GANAB: variants seen among roughly 807,000 people sequenced by gnomAD.
GANAB encodes the protein neutral alpha-glucosidase AB.
Under a neutral mutation model 129.9 loss-of-function variants are expected in GANAB, and 35 were observed. The ratio of observed to expected loss-of-function variants is 0.27; its 90% CI spans 0.21 to 0.36. The LOEUF is 0.36. GANAB is among the 10% of genes least tolerant of loss of function. GANAB has a pLI of 1.00. For synonymous variants in GANAB, 482 were observed against 451.8 expected, an observed-to-expected ratio of 1.07 and a Z score of -0.85; for missense variants, 939 against 1,221.0, an observed-to-expected ratio of 0.77 and a Z score of 3.44.
At chr11:62,646,505 G>A (rs1310167721) in intron 1 of GANAB, 57 bp downstream of exon 1, 3 of 1,578,718 alleles carry the variant, frequency 1.9e-6, no homozygotes, top group East Asian at 2.2e-5. Flanking sequence ...GGAGTGGAAT[G>A]GGACTTGGGG....
At position 62,626,356 on chromosome 11, in the gene GANAB, G is replaced by A. The variant is rs1943374526; in HGVS notation, c.2603C>T (p.Ser868Phe). Residue 868 changes from serine (S) to phenylalanine (F), a missense_variant, in exon 22 of 24, where the codon TCT becomes TTT. By Grantham distance (155) the Ser-to-Phe change is radical. Coordinates refer to ENST00000356638, the MANE Select transcript of GANAB (RefSeq NM_198334.3). ...QEFLLRRFSF[S>F]GNTLVSSSAD... ...TTACCTGGAGACAAGGGTGTTGCCA[G>A]AGAATGAGAATCGACGCAGCAGGAA... The A allele has an allele frequency of 1.9e-6, 3 of 1,611,258 alleles. No homozygotes were observed. In the African/African-American group the frequency reaches 4.0e-5, roughly 22 times the overall value.
chr11:62,634,320 G>T, intron 5 of GANAB: 1 of 1,606,066 alleles, frequency 6.2e-7, no homozygotes, highest in Non-Finnish European at 8.5e-7. Flanking sequence ...CTAGAGAAAA[G>T]GTTCTTGATC....
Position 62,626,392 on chromosome 11 carries a change from G to A in GANAB, c.2567C>T (p.Thr856Ile). The A allele has an allele frequency of 6.2e-7, 1 of 1,613,810 alleles. No homozygotes were observed. The highest frequency in any genetic ancestry group is 8.5e-7 in the Non-Finnish European group (1 of 1,179,652). ...LDDGHTFNYQ[T>I]RQEFLLRRFS... Reference sequence around the variant, plus strand: ...TCGACGCAGCAGGAACTCTTGGCGAGTCTGATAGTTGAACGTGTGCCCATC... The same window carrying A: ...TCGACGCAGCAGGAACTCTTGGCGAATCTGATAGTTGAACGTGTGCCCATC... Residue 856 changes from threonine (T) to isoleucine (I), a missense_variant, in exon 22 of 24, where the codon ACT (threonine) becomes ATT (isoleucine). Physicochemically the swap from Thr to Ile is moderately conservative, Grantham distance 89 (BLOSUM62 -1). This residue lies in a region of GANAB where 230 missense variants were observed against 259.9 expected (regional missense o/e 0.89). Coordinates refer to ENST00000356638, the MANE Select transcript of GANAB (RefSeq NM_198334.3).
At position 62,625,621 on chromosome 11, in the gene GANAB, G is replaced by A. The variant is rs1199769899; in HGVS notation, c.*194C>T. On this transcript the variant is annotated 3_prime_UTR_variant, in exon 24 of 24. Transcript: ENST00000356638. Reference sequence around the variant, plus strand: ...GAAAGAGTTGGTATCAATGGAGTGGGAGAGGTGAGGAGATCACAAGAGGAA... The same window carrying A: ...GAAAGAGTTGGTATCAATGGAGTGGAAGAGGTGAGGAGATCACAAGAGGAA... The A allele has an allele frequency of 3.4e-6, 2 of 595,822 alleles. No individual in the cohort carries two copies. The highest frequency in any genetic ancestry group is 2.8e-5 in the East Asian group (1 of 35,672). 36.9% of individuals were successfully genotyped at this position (595,822 alleles called of 1,614,324 possible).
rs371868324 is a variant in GANAB at position 62,631,199 on chromosome 11, C to T, written c.997-16G>A. 1.8e-5 allele frequency: 28 copies of T among 1,544,164 alleles called. No homozygotes were observed. The highest frequency in any genetic ancestry group is 2.4e-5 in the Non-Finnish European group (27 of 1,138,004). ...CAAACAGGGTCTGTATAGGTGACCA[C>T]AAAGGGGTCAGACACCTCCTGCCCT... On this transcript the variant is annotated splice_polypyrimidine_tract_variant and intron_variant, in intron 9 of 23. Coordinates refer to ENST00000356638, the MANE Select transcript of GANAB (RefSeq NM_198334.3).
At chr11:62,639,605 C>T (rs1944128475) in intron 2 of GANAB, 22 bp downstream of exon 2, 2 of 1,559,002 alleles carry the variant, frequency 1.3e-6, no homozygotes, top group African/African-American at 2.7e-5. Context: ...CATTCCATCC[C>T]TCTCCCCCAG....
chr11:62,630,231 C>G lies in GANAB; in HGVS notation c.1559G>C (p.Trp520Ser), dbSNP rs1286109202. 1 of 1,613,478 alleles carries G rather than the reference C, an allele frequency of 6.2e-7. No homozygotes were observed. Among genetic ancestry groups the G allele is most frequent in the South Asian group, 1.1e-5 (1 of 90,980 alleles). ...GTCATAGCTGAACATGTTAGCCCAC[C>G]AGGCCCTCATCGTGGGATTAGTGAA... ...PDFTNPTMRA[W>S]WANMFSYDNY... The change falls in exon 13 of 24, where the codon TGG becomes TCG. Residue 520 changes from tryptophan to serine, a missense_variant. Trp to Ser is a radical substitution (Grantham distance 177). Coordinates refer to ENST00000356638, the MANE Select transcript of GANAB (RefSeq NM_198334.3).
At chr11:62,638,480 T>C (rs1235292268) in intron 4 of GANAB, among the ~76,000 whole-genome samples, 3 of 152,000 alleles carry the variant, frequency 2.0e-5, no homozygotes, top group Non-Finnish European at 4.4e-5. Flanking sequence ...ATTATGTATT[T>C]AAGAGAAAGT....
rs1014531792 is a variant in GANAB at position 62,631,946 on chromosome 11, C to T, written c.996+619G>A. On this transcript the variant is annotated intron_variant, in intron 9 of 23. Coordinates refer to ENST00000356638, the MANE Select transcript of GANAB (RefSeq NM_198334.3). Reference sequence around the variant, plus strand: ...CTTGCCTCCTTTGTTATGTGTTTAACGTGTCTTCCTCCCTGTGAGTCAGAA... The same window carrying T: ...CTTGCCTCCTTTGTTATGTGTTTAATGTGTCTTCCTCCCTGTGAGTCAGAA... Among the ~76,000 whole-genome samples the T allele has an allele frequency of 6.6e-5, 10 of 150,828 alleles. No homozygotes were observed. In the South Asian group the frequency reaches 8.4e-4, roughly 13 times the overall value.
At chr11:62,636,544 T>C (rs1039062951) in intron 4 of GANAB, among the ~76,000 whole-genome samples, 29 of 151,594 alleles carry the variant, frequency 1.9e-4, no homozygotes, top group Non-Finnish European at 1.0e-4. Context: ...TGGCCAGGCA[T>C]GGTGGCTCAT....
chr11:62,633,580 G>A, intron 5 of GANAB, 66 bp from the exon 6 acceptor site: 1 of 1,395,418 alleles, frequency 7.2e-7, no homozygotes, highest in Non-Finnish European at 1.0e-6. Context: ...AGTGGAAGGA[G>A]GGGTTGGGGA....
chr11:62,629,016 G>A lies in GANAB; in HGVS notation c.1937-4C>T. 1 of 1,610,884 alleles carries A rather than the reference G, an allele frequency of 6.2e-7. No homozygotes were observed. The highest frequency in any genetic ancestry group is 1.3e-5 in the African/African-American group (1 of 74,942). ...TTGAAGAAGCCACCCACATCCGCTGGTAGAGGAGAGAGAGGAAGCAGGTTG... is the reference window on the plus strand; with the variant it reads ...TTGAAGAAGCCACCCACATCCGCTGATAGAGGAGAGAGAGGAAGCAGGTTG... On this transcript the variant is annotated splice_polypyrimidine_tract_variant and splice_region_variant and intron_variant, in intron 16 of 23. Transcript: ENST00000356638.
Position 62,625,864 on chromosome 11 carries a change from C to T in GANAB, c.2786G>A (p.Arg929His), listed in dbSNP as rs760261107. The change falls in exon 24 of 24, where the codon CGC becomes CAC. Residue 929 changes from arginine to histidine, a missense_variant. Physicochemically the swap from Arg to His is conservative, Grantham distance 29. Coordinates refer to ENST00000356638, the MANE Select transcript of GANAB (RefSeq NM_198334.3). Reference sequence around the variant, plus strand: ...AGATGCCACATTGATGCCAGGCTTGCGCAGGACCAACACAGAGGTCTCAGG... The same window carrying T: ...AGATGCCACATTGATGCCAGGCTTGTGCAGGACCAACACAGAGGTCTCAGG... The part of the protein sequence containing the change: ...HDPETSVLVL[R>H]KPGINVASDW... 9 of 1,613,546 alleles carry T rather than the reference C, an allele frequency of 5.6e-6. No individual in the cohort carries two copies. Among genetic ancestry groups the T allele is most frequent in the Admixed American group, 3.3e-5 (2 of 59,992 alleles).
In GANAB at chr11:62,639,731, C is replaced by T. The variant is rs1300456838; in HGVS notation, c.39G>A (p.Arg13=). Reference sequence around the variant, plus strand: ...AAGCCAGTACCAAAGACGCCCAAGACCTAAGGAGAAAAGGACAAAGACAGA... The same window carrying T: ...AAGCCAGTACCAAAGACGCCCAAGATCTAAGGAGAAAAGGACAAAGACAGA... ...AVAAVAARRR[R]SWASLVLAFL... is the part of the protein sequence containing the mutation. Residue 13 remains arginine, a splice_region_variant and synonymous_variant, in exon 2 of 24, where the codon CGG becomes CGA. Coordinates refer to ENST00000356638, the MANE Select transcript of GANAB (RefSeq NM_198334.3). 1.2e-6 allele frequency: 2 copies of T among 1,608,994 alleles called. No individual in the cohort carries two copies. Among genetic ancestry groups the T allele is most frequent in the African/African-American group, 2.7e-5 (2 of 74,874 alleles).
At position 62,630,816 on chromosome 11, in the gene GANAB, G is replaced by C. The variant is rs1296882818; in HGVS notation, c.1171C>G (p.Leu391Val). Residue 391 changes from leucine (L) to valine (V), a missense_variant, in exon 11 of 24, where the codon CTC (leucine) becomes GTC (valine). Transcript: ENST00000356638. ...SLTGTQALPP[L>V]FSLGYHQSRW... The stretch of plus-strand genomic sequence containing the variant: ...CTCTGGTGGTAGCCGAGGGAGAAGA[G>C]TGGGGGCAACGCCTGGGTTCCTGCA... The C allele has an allele frequency of 6.2e-7, 1 of 1,613,814 alleles. No individual in the cohort carries two copies. Among genetic ancestry groups the C allele is most frequent in the Non-Finnish European group, 8.5e-7 (1 of 1,179,896 alleles).
At chr11:62,642,226 A>T (rs1047582528) in intron 1 of GANAB, among the ~76,000 whole-genome samples, 7 of 151,624 alleles carry the variant, frequency 4.6e-5, no homozygotes, top group Non-Finnish European at 8.8e-5. Flanking sequence ...ATAAATAAAA[A>T]TTTTTTTTGG....
chr11:62,627,826 A>G (rs1943470913), intron 17 of GANAB, among the ~76,000 whole-genome samples: 2 of 152,202 alleles, frequency 1.3e-5, no homozygotes, highest in South Asian at 4.1e-4. Flanking sequence ...TCTCAGTTAT[A>G]CAATCCAGTC....
intron 1 of GANAB, among the ~76,000 whole-genome samples, chr11:62,644,173 A>T (rs181005241): frequency 0.013 from 2,025 of 152,020 alleles, 39 homozygotes; most frequent in African/African-American, 0.046. Flanking sequence ...CGAACTCCCA[A>T]CCTCAGGTGA....
chr11:62,638,580 GAGGAAGGAAGGAAGGAAGGA>G (rs71056537), intron 4 of GANAB, among the ~76,000 whole-genome samples: 30,152 of 143,822 alleles, frequency 0.21, 4,162 homozygotes, highest in East Asian at 0.56. Context: ...AAAAGGAAAG[GAGGAAGGAAGGAAGGAAGGA>G]AGGAAGGAAG....
Sources: allele counts gnomAD v4.1 joint callset (sites outside exome capture counted in the v4.1 genomes callset), GRCh38; gene constraint gnomAD v4.1.1; regional missense constraint gnomAD v4.1.1; transcripts MANE v1.5; gene names NCBI Gene and HGNC (gene_info 2026-07-23, HGNC 2026-07-21).